Variants in DNAH11 observed in about 807,000 individuals in gnomAD.
DNAH11 encodes axonemal beta dynein heavy chain 11.
In DNAH11, 442 loss-of-function variants were observed where a neutral mutation model predicts 526.0. That is an observed-to-expected ratio of 0.84 (90% CI 0.78 to 0.91). DNAH11 has a LOEUF of 0.91. Among genes scored for constraint, DNAH11 ranks in the 40% least tolerant of loss-of-function variants. DNAH11 has a pLI of 0.00. For missense variants in DNAH11, 6,989 were observed against 5,448.7 expected, an observed-to-expected ratio of 1.28 and a Z score of -8.90; for synonymous variants, 2,461 against 1,935.9, an observed-to-expected ratio of 1.27 and a Z score of -7.12.
intron 45 of DNAH11, among the ~76,000 whole-genome samples, chr7:21,732,736 A>G (rs187596100): frequency 6.6e-6 from 1 of 152,362 alleles, no homozygotes; most frequent in African/African-American, 2.4e-5. Context: ...CCATCTTTCT[A>G]TACTGCTCTT....
intron 13 of DNAH11, 75 bp from the exon 14 acceptor site, chr7:21,591,110 T>C (rs1784660170): frequency 6.8e-7 from 1 of 1,464,014 alleles, no homozygotes; most frequent in African/African-American, 1.4e-5. Context: ...ATCTATATGA[T>C]ATTTTTACAC....
chr7:21,832,191 ATTG>A (rs1232447022), intron 65 of DNAH11, among the ~76,000 whole-genome samples: 4 of 152,022 alleles, frequency 2.6e-5, no homozygotes, highest in Non-Finnish European at 5.9e-5. Context: ...TAAGGTTAAT[ATTG>A]TTATGTATGA....
At chr7:21,552,681 C>G (rs887504549) in intron 2 of DNAH11, among the ~76,000 whole-genome samples, 2 of 152,176 alleles carry the variant, frequency 1.3e-5, no homozygotes, top group African/African-American at 4.8e-5. Flanking sequence ...ACATTTGGGG[C>G]TTCCATGAAA....
chr7:21,680,705 T>C (rs191679346), intron 30 of DNAH11, among the ~76,000 whole-genome samples: 26 of 152,340 alleles, frequency 1.7e-4, no homozygotes, highest in African/African-American at 5.5e-4. Flanking sequence ...TTGAAAAATA[T>C]TTATCTACGA....
chr7:21,548,884 CT>C (rs201226653), intron 2 of DNAH11, among the ~76,000 whole-genome samples: 6,700 of 145,338 alleles, frequency 0.046, 357 homozygotes, highest in East Asian at 0.3. Flanking sequence ...CAATGACAGA[CT>C]TTTTTTTTTT....
chr7:21,752,652 T>G (rs1365903042), intron 54 of DNAH11, among the ~76,000 whole-genome samples: 1 of 152,202 alleles, frequency 6.6e-6, no homozygotes, highest in African/African-American at 2.4e-5. Flanking sequence ...CCATTTCTTG[T>G]AAATTTAGAA....
rs1461892714 is a variant in DNAH11 at position 21,811,149 on chromosome 7, C to G, written c.10332+3100C>G. Among the ~76,000 whole-genome samples the G allele has an allele frequency of 4.6e-5, 7 of 152,180 alleles. No homozygotes were observed. In the South Asian group the frequency reaches 8.3e-4, roughly 18 times the overall value. ...GTGCTACAACATGGATGAACCTTGTCAATATTAGGCTAACTGAAATTAGCC... is the reference window on the plus strand; with the variant it reads ...GTGCTACAACATGGATGAACCTTGTGAATATTAGGCTAACTGAAATTAGCC... On this transcript the variant is annotated intron_variant, in intron 63 of 81. Coordinates refer to ENST00000409508, the MANE Select transcript of DNAH11 (RefSeq NM_001277115.2).
intron 24 of DNAH11, 65 bp from the exon 25 acceptor site, chr7:21,619,891 A>T: frequency 6.9e-7 from 1 of 1,451,814 alleles, no homozygotes; most frequent in South Asian, 1.3e-5. Flanking sequence ...TTAATTCCAG[A>T]TAATAGTCTA....
chr7:21,850,390 A>G (rs950547062), intron 66 of DNAH11, among the ~76,000 whole-genome samples: 2 of 151,320 alleles, frequency 1.3e-5, no homozygotes, highest in Non-Finnish European at 2.9e-5. Flanking sequence ...AAGAAAAAAA[A>G]TTCTTCATTT....
intron 28 of DNAH11, among the ~76,000 whole-genome samples, chr7:21,641,707 A>T (rs1194237817): frequency 6.6e-6 from 1 of 152,194 alleles, no homozygotes; most frequent in African/African-American, 2.4e-5. Context: ...CATCCTTTAA[A>T]AAAATTTTTT....
At chr7:21,587,409 A>C (rs1784508913) in intron 9 of DNAH11, among the ~76,000 whole-genome samples, 1 of 152,074 alleles carries the variant, frequency 6.6e-6, no homozygotes, top group Non-Finnish European at 1.5e-5. Context: ...GTTTCTGCTC[A>C]CTGATAATTT....
rs142117503 is a variant in DNAH11 at position 21,649,486 on chromosome 7, G to A, written c.4945-6346G>A. 6.5e-3 allele frequency among the ~76,000 whole-genome samples: 982 copies of A among 152,176 alleles called. 8 individuals are homozygous for A. Among genetic ancestry groups the A allele is most frequent in the Middle Eastern group, 0.027 (8 of 294 alleles). ...CAATAAAAATGAAGAAAACCTAGTG[G>A]TATACCAAATAACATGAATAAATTC... On this transcript the variant is annotated intron_variant, in intron 28 of 81. Coordinates refer to ENST00000409508, the MANE Select transcript of DNAH11 (RefSeq NM_001277115.2).
chr7:21,680,762 A>G (rs2128472118), intron 30 of DNAH11, among the ~76,000 whole-genome samples: 1 of 152,326 alleles, frequency 6.6e-6, no homozygotes, highest in South Asian at 2.1e-4. Context: ...GATATTCTTC[A>G]TCTCTTAATT....
At position 21,607,248 on chromosome 7, in the gene DNAH11, C is replaced by A. The variant is rs1431541592; in HGVS notation, c.3852+515C>A. On this transcript the variant is annotated intron_variant, in intron 20 of 81. Coordinates refer to ENST00000409508, the MANE Select transcript of DNAH11 (RefSeq NM_001277115.2). ...ATCTAGCACGGGAGAAAGATGGAGG[C>A]CAGAAGACTCAGCCAGCCTAGTCCT... 2.0e-5 allele frequency among the ~76,000 whole-genome samples: 3 copies of A among 152,238 alleles called. No homozygotes were observed. The East Asian group carries it at 5.8e-4, about 30-fold the overall frequency.
At chr7:21,748,853 C>A in intron 52 of DNAH11, 111 bp downstream of exon 52, 2 of 1,143,468 alleles carry the variant, frequency 1.7e-6, no homozygotes, top group Non-Finnish European at 2.4e-6. Flanking sequence ...AAGGCCTCCC[C>A]AACCACGGGA....
At chr7:21,876,637 A>C (rs904431848) in intron 74 of DNAH11, among the ~76,000 whole-genome samples, 1 of 152,250 alleles carries the variant, frequency 6.6e-6, no homozygotes, top group Admixed American at 6.5e-5. Flanking sequence ...ATTGTCATCA[A>C]TCTGGCTCTT....
chr7:21,660,988 A>C (rs994068254), intron 30 of DNAH11, among the ~76,000 whole-genome samples: 2 of 151,774 alleles, frequency 1.3e-5, no homozygotes, highest in African/African-American at 4.8e-5. Context: ...GTTTCGGTTT[A>C]CTCTGGTTGT....
chr7:21,874,019 G>A (rs1356442674), intron 74 of DNAH11, among the ~76,000 whole-genome samples: 2 of 151,908 alleles, frequency 1.3e-5, no homozygotes, highest in Non-Finnish European at 2.9e-5. Context: ...TTGAACTCCT[G>A]ACCTCAGGTG....
intron 43 of DNAH11, among the ~76,000 whole-genome samples, chr7:21,720,328 A>G (rs1784825629): frequency 6.6e-6 from 1 of 152,162 alleles, no homozygotes; most frequent in African/African-American, 2.4e-5. Context: ...AGTAACACTT[A>G]TTGATAAGGA....
Sources: allele counts gnomAD v4.1 joint callset (sites outside exome capture counted in the v4.1 genomes callset), GRCh38; gene constraint gnomAD v4.1.1; transcripts MANE v1.5; gene names NCBI Gene and HGNC (gene_info 2026-07-23, HGNC 2026-07-21).